FAT4: variants seen among roughly 807,000 people sequenced by gnomAD.
The protein encoded by FAT4 is protocadherin Fat 4.
A neutral mutation model predicts 303.9 loss-of-function variants in FAT4; 84 were observed. That is an observed-to-expected ratio of 0.28 (90% CI 0.23 to 0.33). FAT4 has a LOEUF of 0.33. Ranked by LOEUF, FAT4 falls within the 10% of genes least tolerant of loss-of-function variation. The pLI is 1.00. For synonymous variants in FAT4, 2,307 were observed against 2,298.8 expected, an observed-to-expected ratio of 1.00 and a Z score of -0.10; for missense variants, 6,005 against 6,146.8, an observed-to-expected ratio of 0.98 and a Z score of 0.77.
In FAT4 at chr4:125,418,856, C is replaced by T. The variant is rs191380417; in HGVS notation, c.7018+2234C>T. Among the ~76,000 whole-genome samples, 3 of 151,004 alleles carry T rather than the reference C, an allele frequency of 2.0e-5. No homozygotes were observed. In the East Asian group the frequency reaches 6.0e-4, roughly 30 times the overall value. ...GGTTAGGCATTCTACTCCTAAGTAG[C>T]CTTTCTTACAAGAGTTTGCCTTACC... is the stretch of plus-strand genomic sequence containing the variant. On this transcript the variant is annotated intron_variant, in intron 7 of 17. Transcript: ENST00000394329.
chr4:125,471,466 G>C (rs1333797776), intron 12 of FAT4, among the ~76,000 whole-genome samples: 1 of 152,152 alleles, frequency 6.6e-6, no homozygotes, highest in African/African-American at 2.4e-5. Context: ...ATTTTATTAT[G>C]TGGCTTTCAT....
chr4:125,317,628 A>G lies in FAT4; in HGVS notation c.1217A>G (p.His406Arg), dbSNP rs1730676572. The change falls in exon 2 of 18, where the codon CAC becomes CGC. Residue 406 changes from histidine (H) to arginine (R), a missense_variant. By Grantham distance (29) the His-to-Arg change is conservative. Coordinates refer to ENST00000394329, the MANE Select transcript of FAT4 (RefSeq NM_001291303.3). The surrounding 1 kb of genome is among the most constrained non-coding windows in gnomAD (Gnocchi z 7.0). ...ATTCTCGGGGGCAATGAGCAGCGCC[A>G]CTTTGAAGTGCAAAGCAGCAAAGTG... ...VQILGGNEQR[H>R]FEVQSSKVPN... 1 of 1,614,034 alleles carries G rather than the reference A, an allele frequency of 6.2e-7. No individual in the cohort carries two copies. Among genetic ancestry groups the G allele is most frequent in the Non-Finnish European group, 8.5e-7 (1 of 1,179,986 alleles).
chr4:125,373,483 G>A (rs1469203258), intron 2 of FAT4, among the ~76,000 whole-genome samples: 1 of 152,086 alleles, frequency 6.6e-6, no homozygotes, highest in Non-Finnish European at 1.5e-5. Flanking sequence ...GCTCCTTCTA[G>A]TTTATGAAGC....
rs896427036 is a variant in FAT4, at chr4:125,490,862, A to G, written c.14046A>G (p.Gln4682=). The G allele has an allele frequency of 3.1e-6, 5 of 1,614,058 alleles. No individual in the cohort carries two copies. The African/African-American group carries it at 6.7e-5, about 22-fold the overall frequency. ...SSLTYQPSYG[Q]GLRTSSLSHS... The stretch of plus-strand genomic sequence containing the variant: ...TGACTTACCAGCCTTCATATGGTCA[A>G]GGTTTGAGAACCAGCTCCCTAAGCC... Residue 4682 remains glutamine, a synonymous_variant, in exon 18 of 18, where the codon CAA becomes CAG. Transcript: ENST00000394329.
intron 2 of FAT4, among the ~76,000 whole-genome samples, chr4:125,365,389 A>C (rs1157682263): frequency 6.6e-6 from 1 of 152,186 alleles, no homozygotes; most frequent in Non-Finnish European, 1.5e-5. Context: ...CTCATCATTC[A>C]AGCTGAAAAC....
chr4:125,490,175 T>C lies in FAT4; in HGVS notation c.13359T>C (p.Cys4453=), dbSNP rs755516408. ...CEPGLHSGFT[C]SCPDSHTGRT... Reference sequence around the variant, plus strand: ...CAGGCCTGCACTCCGGCTTCACCTGTAGCTGCCCAGACTCGCACACGGGAA... The same window carrying C: ...CAGGCCTGCACTCCGGCTTCACCTGCAGCTGCCCAGACTCGCACACGGGAA... Residue 4453 remains cysteine (C), a synonymous_variant, in exon 18 of 18, where the codon TGT becomes TGC. Transcript: ENST00000394329. The C allele has an allele frequency of 1.2e-6, 2 of 1,614,124 alleles. No homozygotes were observed. Among genetic ancestry groups the C allele is most frequent in the Non-Finnish European group, 1.7e-6 (2 of 1,180,026 alleles).
At chr4:125,346,388 T>C (rs1578544487) in intron 2 of FAT4, among the ~76,000 whole-genome samples, 1 of 151,984 alleles carries the variant, frequency 6.6e-6, no homozygotes, top group Non-Finnish European at 1.5e-5. Context: ...AAAAAAAACT[T>C]GCAGATTAAA....
intron 7 of FAT4, among the ~76,000 whole-genome samples, chr4:125,424,115 A>ATGAT (rs757613917): frequency 8.5e-5 from 13 of 152,284 alleles, no homozygotes; most frequent in Middle Eastern, 3.4e-3. Context: ...TTGGGAAGGC[A>ATGAT]TGATTGTGTT....
rs765526876 is a variant in FAT4 at position 125,321,132 on chromosome 4, C to T, written c.4721C>T (p.Thr1574Ile). The T allele has an allele frequency of 2.4e-5, 38 of 1,614,120 alleles. No homozygotes were observed. In the East Asian group the frequency reaches 4.2e-4, roughly 18 times the overall value. The stretch of plus-strand genomic sequence containing the variant: ...GAGATCATCAATGGGGACACAGACA[C>T]CTTCATTGTTGATCGTTATAGTGGA... ...EYEIINGDTDTFIVDRYSGDL... is the reference protein window; with the variant it reads ...EYEIINGDTDIFIVDRYSGDL... Residue 1574 changes from threonine to isoleucine, a missense_variant, in exon 2 of 18, where the codon ACC (threonine) becomes ATC (isoleucine). Coordinates refer to ENST00000394329, the MANE Select transcript of FAT4 (RefSeq NM_001291303.3).
At chr4:125,409,414 G>A (rs530703523) in intron 5 of FAT4, among the ~76,000 whole-genome samples, 4 of 151,834 alleles carry the variant, frequency 2.6e-5, no homozygotes, top group East Asian at 1.9e-4. Flanking sequence ...GCACCACCAC[G>A]CCTGGCTAAT....
At chr4:125,390,578 G>A (rs1398844437) in intron 2 of FAT4, among the ~76,000 whole-genome samples, 1 of 152,148 alleles carries the variant, frequency 6.6e-6, no homozygotes, top group Non-Finnish European at 1.5e-5. Flanking sequence ...TGTAAGATTA[G>A]AGTTTTTCCT....
chr4:125,371,112 C>T (rs1733092205), intron 2 of FAT4, among the ~76,000 whole-genome samples: 1 of 137,894 alleles, frequency 7.3e-6, no homozygotes, highest in South Asian at 2.3e-4. Context: ...CGCGCCATTG[C>T]ACTTCAGCCT....
At chr4:125,469,923 A>C (rs575619738) in intron 12 of FAT4, among the ~76,000 whole-genome samples, 16 of 152,136 alleles carry the variant, frequency 1.1e-4, no homozygotes, top group African/African-American at 3.4e-4. Context: ...CTTTGCCCAG[A>C]CCTATCAGAG....
intron 7 of FAT4, among the ~76,000 whole-genome samples, chr4:125,419,215 T>C (rs1475935471): frequency 1.3e-5 from 2 of 152,216 alleles, no homozygotes. Context: ...TCAGCATGTT[T>C]ACTAGACATT....
chr4:125,332,711 GT>G (rs1400843002), intron 2 of FAT4, among the ~76,000 whole-genome samples: 2 of 152,148 alleles, frequency 1.3e-5, no homozygotes, highest in African/African-American at 4.8e-5. Flanking sequence ...ACTTAATGCA[GT>G]TTTCTTAATT....
At chr4:125,330,607 T>A (rs1047144068) in intron 2 of FAT4, among the ~76,000 whole-genome samples, 41 of 152,356 alleles carry the variant, frequency 2.7e-4, no homozygotes, top group Admixed American at 2.5e-3. Context: ...AGGGCAGATA[T>A]ATTGATCTGC....
intron 8 of FAT4, among the ~76,000 whole-genome samples, chr4:125,436,049 G>A (rs1417112243): frequency 6.7e-6 from 1 of 149,682 alleles, no homozygotes; most frequent in African/African-American, 2.5e-5. Context: ...ATGGGGTCGG[G>A]GGAGGGGGGG....
intron 2 of FAT4, among the ~76,000 whole-genome samples, chr4:125,385,019 TA>T (rs1481103868): frequency 0.078 from 5,665 of 72,512 alleles, 259 homozygotes; most frequent in African/African-American, 0.15. Flanking sequence ...TATATATATA[TA>T]TATATTTTTT....
chr4:125,413,959 G>A (rs947569509), intron 5 of FAT4, among the ~76,000 whole-genome samples: 3 of 151,928 alleles, frequency 2.0e-5, no homozygotes, highest in African/African-American at 7.2e-5. Flanking sequence ...AGATTACCTG[G>A]ATGTACAGTA....
Sources: allele counts gnomAD v4.1 joint callset (sites outside exome capture counted in the v4.1 genomes callset), GRCh38; gene constraint gnomAD v4.1.1; non-coding constraint Gnocchi (gnomAD v3.1); transcripts MANE v1.5; gene names NCBI Gene and HGNC (gene_info 2026-07-23, HGNC 2026-07-21).